The following PBRM1 variants were observed in gnomAD, a reference collection of about 807,000 sequenced individuals.
The protein encoded by PBRM1 is polybromo 1.
Under a neutral mutation model 194.5 loss-of-function variants are expected in PBRM1, and 27 were observed. That is an observed-to-expected ratio of 0.14 (90% CI 0.10 to 0.19). The LOEUF is 0.19. Among genes scored for constraint, PBRM1 ranks in the 10% least tolerant of loss-of-function variants. The pLI is 1.00. For missense variants in PBRM1, 1,466 were observed against 2,077.2 expected, an observed-to-expected ratio of 0.71 and a Z score of 5.72; for synonymous variants, 655 against 693.2, an observed-to-expected ratio of 0.94 and a Z score of 0.87.
chr3:52,564,140 T>C (rs982726266), exon 23 of PBRM1: 1 of 1,613,884 alleles, frequency 6.2e-7, no homozygotes, highest in African/African-American at 1.3e-5. Context: ...GTCGCTCTCA[T>C]TGTAGCGGCT....
intron 13 of PBRM1, among the ~76,000 whole-genome samples, chr3:52,626,831 AGAT>A (rs2095463729): frequency 6.6e-6 from 1 of 152,242 alleles, no homozygotes; most frequent in Non-Finnish European, 1.5e-5. Flanking sequence ...TGGCAAATAA[AGAT>A]GAGGTGAACA....
In PBRM1 at chr3:52,642,049, CAAA is replaced by C. The variant is rs376663529; in HGVS notation, c.996-7_996-5del. 1.2e-4 allele frequency: 139 copies of C among 1,176,062 alleles called. No homozygotes were observed. Among genetic ancestry groups the C allele is most frequent in the Non-Finnish European group, 1.2e-4 (101 of 824,126 alleles). The allele number at this position is 1,176,062 out of a possible 1,614,324, so 72.9% of individuals were successfully genotyped here. ...TCCTTGTACTGCTCTTTTATTACTA[CAAA>C]AAAAAAAAAAGCAATTAGACAGGGA... On this transcript the variant is annotated splice_polypyrimidine_tract_variant and splice_region_variant and intron_variant, in intron 9 of 29. Transcript: ENST00000296302.
chr3:52,602,980 C>A (rs1204462497), intron 17 of PBRM1, among the ~76,000 whole-genome samples: 2 of 152,124 alleles, frequency 1.3e-5, no homozygotes, highest in Non-Finnish European at 2.9e-5. Flanking sequence ...CAGAAATGAT[C>A]CAATTTGTAA....
At chr3:52,652,938 C>T (rs1577664186) in intron 5 of PBRM1, among the ~76,000 whole-genome samples, 1 of 152,044 alleles carries the variant, frequency 6.6e-6, no homozygotes, top group South Asian at 2.1e-4. Context: ...ATGGAGGTTG[C>T]AGTGAGCCGA....
At chr3:52,625,733 C>T (rs1576999031) in intron 13 of PBRM1, among the ~76,000 whole-genome samples, 2 of 152,094 alleles carry the variant, frequency 1.3e-5, no homozygotes, top group East Asian at 1.9e-4. Flanking sequence ...CACTATCACG[C>T]CTGGCTAATT....
At chr3:52,644,618 C>T (rs1560711555) in intron 8 of PBRM1, 86 bp downstream of exon 9, 5 of 565,320 alleles carry the variant, frequency 8.8e-6, no homozygotes, top group Middle Eastern at 3.4e-4. Flanking sequence ...CTCTTGACCT[C>T]GTGATCCGCC....
chr3:52,601,449 AC>A (rs979248473), intron 17 of PBRM1, among the ~76,000 whole-genome samples: 3 of 152,088 alleles, frequency 2.0e-5, no homozygotes, highest in Non-Finnish European at 4.4e-5. Context: ...TCCCTCACAT[AC>A]ACAGTCCACA....
chr3:52,563,449 T>C (rs1464165958), exon 24 of PBRM1: 1 of 1,614,056 alleles, frequency 6.2e-7, no homozygotes, highest in Non-Finnish European at 8.5e-7. Context: ...CTGGATCTTC[T>C]TTTCCAGCAA....
Position 52,589,271 on chromosome 3 carries a change from A to T in PBRM1, c.2780-16T>A. ...TTTTCAGCTTCTTAGGTAAAAAAAT[A>T]AATAAATAAAGGAAAAAGGTACTCA... On this transcript the variant is annotated splice_polypyrimidine_tract_variant and intron_variant, in intron 17 of 29. Coordinates refer to ENST00000296302, the Ensembl canonical transcript of PBRM1. 1 of 1,503,898 alleles carries T rather than the reference A, an allele frequency of 6.6e-7. No individual in the cohort carries two copies. The highest frequency in any genetic ancestry group is 8.8e-7 in the Non-Finnish European group (1 of 1,130,056). The allele number at this position is 1,503,898 out of a possible 1,614,324, so 93.2% of individuals were successfully genotyped here.
chr3:52,671,307 C>T (rs998240100), intron 2 of PBRM1, among the ~76,000 whole-genome samples: 1 of 152,154 alleles, frequency 6.6e-6, no homozygotes, highest in Non-Finnish European at 1.5e-5. Context: ...CACAGAGGAG[C>T]GTCAGAAAAA....
At chr3:52,597,565 G>T (rs539087733) in intron 17 of PBRM1, among the ~76,000 whole-genome samples, 115 of 152,048 alleles carry the variant, frequency 7.6e-4, no homozygotes, top group African/African-American at 2.5e-3. Flanking sequence ...AGAGAGACTA[G>T]AATTTTTTTT....
chr3:52,664,698 C>T (rs2096795577), intron 3 of PBRM1, among the ~76,000 whole-genome samples: 1 of 150,958 alleles, frequency 6.6e-6, no homozygotes, highest in African/African-American at 2.4e-5. Context: ...CACACCACTG[C>T]ACTCCAGCCT....
At chr3:52,678,467 C>T (rs969313366) in intron 2 of PBRM1, 33 bp downstream of exon 3, 1 of 1,389,928 alleles carries the variant, frequency 7.2e-7, no homozygotes, top group South Asian at 1.2e-5. Context: ...GGACCAAATC[C>T]CCCGCAACTG....
At chr3:52,622,905 T>C (rs2095329394) in intron 13 of PBRM1, among the ~76,000 whole-genome samples, 1 of 152,232 alleles carries the variant, frequency 6.6e-6, no homozygotes, top group East Asian at 1.9e-4. Flanking sequence ...TATATACAGT[T>C]GTAAACTATA....
At chr3:52,580,596 T>G (rs1173398297) in intron 20 of PBRM1, among the ~76,000 whole-genome samples, 1 of 152,112 alleles carries the variant, frequency 6.6e-6, no homozygotes, top group Non-Finnish European at 1.5e-5. Flanking sequence ...TCTCCTGACT[T>G]CGTGATCCAC....
intron 10 of PBRM1, among the ~76,000 whole-genome samples, chr3:52,635,988 T>TAA (rs2095794257): frequency 3.3e-5 from 5 of 152,142 alleles, no homozygotes; most frequent in Non-Finnish European, 7.4e-5. Flanking sequence ...CTCAGCCTCC[T>TAA]GAGTAGCTGG....
chr3:52,587,405 T>C (rs1179315912), exon 19 of PBRM1: 3 of 1,610,360 alleles, frequency 1.9e-6, no homozygotes, highest in African/African-American at 2.7e-5. Flanking sequence ...TGGAACTTTG[T>C]TGTAATAGTC....
At chr3:52,668,567 C>G in exon 3 of PBRM1, 2 of 1,607,050 alleles carry the variant, frequency 1.2e-6, no homozygotes, top group Non-Finnish European at 8.5e-7. Context: ...CATCATCATA[C>G]TCTTCCATTT....
upstream of PBRM1, among the ~76,000 whole-genome samples, chr3:52,680,651 T>TTTTC (rs536552711): frequency 1.3e-3 from 198 of 152,054 alleles, no homozygotes; most frequent in Middle Eastern, 3.4e-3. Flanking sequence ...TGAAAGGCCT[T>TTTTC]TTTCTTTCTT....
Sources: allele counts gnomAD v4.1 joint callset (sites outside exome capture counted in the v4.1 genomes callset), GRCh38; gene constraint gnomAD v4.1.1; transcripts MANE v1.5; gene names NCBI Gene and HGNC (gene_info 2026-07-23, HGNC 2026-07-21).